Variants in DDX10 observed in about 807,000 individuals in gnomAD.
DDX10 encodes DEAD-box helicase 10.
DDX10 carries 74 observed loss-of-function variants against 104.3 expected under a neutral mutation model. That is an observed-to-expected ratio of 0.71 (90% CI 0.59 to 0.86). The LOEUF is 0.86. Ranked by LOEUF, DDX10 falls within the 40% of genes least tolerant of loss-of-function variation. The pLI, the probability that DDX10 is intolerant of heterozygous loss-of-function variation, is 0.00. For synonymous variants in DDX10, 351 were observed against 353.4 expected (o/e 0.99, Z 0.08); for missense variants, 952 against 1,040.0 (o/e 0.92, Z 1.16).
intron 9 of DDX10, among the ~76,000 whole-genome samples, chr11:108,696,180 T>C (rs2094259594): frequency 7.2e-6 from 1 of 138,000 alleles, no homozygotes; most frequent in Non-Finnish European, 1.7e-5. Context: ...TGTTTTGTTC[T>C]GTTTTGTTTT....
intron 16 of DDX10, among the ~76,000 whole-genome samples, chr11:108,852,603 A>C (rs1222418033): frequency 6.6e-6 from 1 of 152,224 alleles, no homozygotes; most frequent in Non-Finnish European, 1.5e-5. Context: ...ACCCAACCTC[A>C]TAACAGGTAA....
At chr11:108,869,238 A>C (rs1280586358) in intron 16 of DDX10, among the ~76,000 whole-genome samples, 2 of 151,540 alleles carry the variant, frequency 1.3e-5, no homozygotes, top group African/African-American at 2.4e-5. Context: ...TTATCTTGTA[A>C]AATTCCAGCC....
At chr11:108,856,985 T>C (rs765159049) in intron 16 of DDX10, among the ~76,000 whole-genome samples, 1 of 152,168 alleles carries the variant, frequency 6.6e-6, no homozygotes, top group South Asian at 2.1e-4. Flanking sequence ...ATTTGAAATA[T>C]TGTTTTCCTT....
intron 16 of DDX10, among the ~76,000 whole-genome samples, chr11:108,852,775 T>G (rs370597712): frequency 5.9e-5 from 9 of 151,992 alleles, no homozygotes; most frequent in African/African-American, 2.2e-4. Context: ...GCAGCCATGA[T>G]TTTTATCTAA....
intron 13 of DDX10, among the ~76,000 whole-genome samples, chr11:108,811,579 A>C (rs748683367): frequency 1.3e-5 from 2 of 152,234 alleles, no homozygotes; most frequent in Non-Finnish European, 2.9e-5. Flanking sequence ...TTTTTAATGT[A>C]ACTATTTGTA....
chr11:108,874,732 C>G (rs1255439769), intron 16 of DDX10, among the ~76,000 whole-genome samples: 1 of 152,068 alleles, frequency 6.6e-6, no homozygotes, highest in Admixed American at 6.6e-5. Flanking sequence ...GCTCTAAAAC[C>G]TTTCTAACCT....
chr11:108,686,889 A>G (rs565117517), intron 6 of DDX10, among the ~76,000 whole-genome samples: 18 of 152,048 alleles, frequency 1.2e-4, no homozygotes, highest in African/African-American at 3.4e-4. Context: ...GGTTCATGCC[A>G]TTCTCCTGCC....
intron 10 of DDX10, among the ~76,000 whole-genome samples, chr11:108,708,108 C>T (rs554829625): frequency 6.6e-6 from 1 of 151,422 alleles, no homozygotes; most frequent in African/African-American, 2.4e-5. Context: ...GAATTCCTGC[C>T]AGCAATTAAT....
At chr11:108,926,434 C>T (rs1863909949) in intron 17 of DDX10, among the ~76,000 whole-genome samples, 1 of 152,130 alleles carries the variant, frequency 6.6e-6, no homozygotes, top group Non-Finnish European at 1.5e-5. Context: ...CAGTCTTCTG[C>T]CTTCTAGTTC....
chr11:108,849,885 C>G (rs1168289825), intron 15 of DDX10, among the ~76,000 whole-genome samples: 7 of 152,010 alleles, frequency 4.6e-5, no homozygotes, highest in Admixed American at 2.0e-4. Context: ...TGTCATATGT[C>G]ATAAACCGTC....
chr11:108,905,183 C>T (rs1473135558), intron 16 of DDX10, among the ~76,000 whole-genome samples: 4 of 152,028 alleles, frequency 2.6e-5, no homozygotes, highest in Admixed American at 1.3e-4. Context: ...AGGTTAAGAA[C>T]TCCTAATCTA....
intron 13 of DDX10, among the ~76,000 whole-genome samples, chr11:108,836,569 C>G (rs1023936995): frequency 1.3e-5 from 2 of 152,176 alleles, no homozygotes; most frequent in African/African-American, 2.4e-5. Flanking sequence ...TCACTGCAAC[C>G]TCCGCCTGTC....
chr11:108,927,437 C>T (rs1350347146), intron 17 of DDX10, among the ~76,000 whole-genome samples: 1 of 152,198 alleles, frequency 6.6e-6, no homozygotes, highest in African/African-American at 2.4e-5. Flanking sequence ...CAGAATCCCC[C>T]ATAATTTCAG....
intron 6 of DDX10, among the ~76,000 whole-genome samples, chr11:108,686,996 A>G (rs1234991467): frequency 6.6e-6 from 1 of 152,074 alleles, no homozygotes; most frequent in Non-Finnish European, 1.5e-5. Context: ...TGTGTTTGCC[A>G]GGATGGTCTC....
At chr11:108,706,964 A>G (rs1008436795) in intron 10 of DDX10, 127 bp downstream of exon 10, 1 of 748,242 alleles carries the variant, frequency 1.3e-6, no homozygotes, top group African/African-American at 1.8e-5. Flanking sequence ...TTTTATAAAA[A>G]GGCTCTTTTT....
chr11:108,841,300 T>G lies in DDX10; in HGVS notation c.2086-15T>G. The G allele has an allele frequency of 6.2e-7, 1 of 1,608,950 alleles. No individual in the cohort carries two copies. Among genetic ancestry groups the G allele is most frequent in the Non-Finnish European group, 8.5e-7 (1 of 1,178,846 alleles). ...CCCTACTTCCTGTTGACACTGACCT[T>G]TTTTTTACCTGTAGTTGGTTCAGCA... On this transcript the variant is annotated splice_polypyrimidine_tract_variant and intron_variant, in intron 14 of 17. Coordinates refer to ENST00000322536, the MANE Select transcript of DDX10 (RefSeq NM_004398.4).
At chr11:108,812,260 C>T (rs1280418031) in intron 13 of DDX10, among the ~76,000 whole-genome samples, 1 of 152,114 alleles carries the variant, frequency 6.6e-6, no homozygotes, top group African/African-American at 2.4e-5. Context: ...TTAAACAAAT[C>T]CTGAATACAC....
intron 13 of DDX10, among the ~76,000 whole-genome samples, chr11:108,731,154 G>A (rs751097453): frequency 2.0e-5 from 3 of 151,698 alleles, no homozygotes; most frequent in Non-Finnish European, 4.4e-5. Flanking sequence ...AGGCTCAAGT[G>A]ATTATCCTGC....
chr11:108,910,530 T>A (rs962617197), intron 16 of DDX10, among the ~76,000 whole-genome samples: 7 of 152,244 alleles, frequency 4.6e-5, no homozygotes, highest in African/African-American at 1.7e-4. Context: ...TTGGGATATT[T>A]TCACCTGACC....
Sources: allele counts gnomAD v4.1 joint callset (sites outside exome capture counted in the v4.1 genomes callset), GRCh38; gene constraint gnomAD v4.1.1; transcripts MANE v1.5; gene names NCBI Gene and HGNC (gene_info 2026-07-23, HGNC 2026-07-21).